Variants in MAP2K4 observed in about 807,000 individuals in gnomAD.
The protein encoded by MAP2K4 is mitogen-activated protein kinase kinase 4, also known as dual specificity mitogen-activated protein kinase kinase 4.
A neutral mutation model predicts 48.5 loss-of-function variants in MAP2K4; 4 were observed. That is an observed-to-expected ratio of 0.08 (90% CI 0.04 to 0.19). The LOEUF (loss-of-function observed/expected upper bound fraction) is 0.19, where lower values mean the gene tolerates loss of function less well. Among genes scored for constraint, MAP2K4 ranks in the 10% least tolerant of loss-of-function variants. MAP2K4 has a pLI of 1.00. For synonymous variants in MAP2K4, 166 were observed against 173.1 expected, an observed-to-expected ratio of 0.96 and a Z score of 0.32; for missense variants, 258 against 493.3, an observed-to-expected ratio of 0.52 and a Z score of 4.52.
At chr17:12,074,709 C>T (rs1970938749) in intron 2 of MAP2K4, among the ~76,000 whole-genome samples, 1 of 152,154 alleles carries the variant, frequency 6.6e-6, no homozygotes, top group African/African-American at 2.4e-5. Flanking sequence ...TGTACTCTGC[C>T]ATGTGAACTT....
chr17:12,118,903 G>A (rs1972585979), intron 7 of MAP2K4, among the ~76,000 whole-genome samples: 1 of 152,170 alleles, frequency 6.6e-6, no homozygotes, highest in Non-Finnish European at 1.5e-5. Context: ...GTAGTGACTT[G>A]GATGGATTCC....
chr17:12,122,210 G>A (rs1044454294), intron 7 of MAP2K4, among the ~76,000 whole-genome samples: 11 of 152,182 alleles, frequency 7.2e-5, no homozygotes, highest in African/African-American at 2.7e-4. Context: ...ACTTACTGAG[G>A]ATGAGAGGAA....
intron 1 of MAP2K4, among the ~76,000 whole-genome samples, chr17:12,032,635 T>G (rs1969475622): frequency 5.3e-5 from 8 of 152,188 alleles, no homozygotes. Context: ...AAGATCGTGG[T>G]GCAGAAAGTA....
intron 1 of MAP2K4, among the ~76,000 whole-genome samples, chr17:12,044,346 G>A (rs1969889994): frequency 6.6e-6 from 1 of 152,158 alleles, no homozygotes; most frequent in African/African-American, 2.4e-5. Context: ...ACTTAGGCTA[G>A]GAAGTTCTCT....
intron 2 of MAP2K4, among the ~76,000 whole-genome samples, chr17:12,071,278 G>A (rs1253566929): frequency 2.0e-5 from 3 of 152,102 alleles, no homozygotes; most frequent in Non-Finnish European, 4.4e-5. Flanking sequence ...TACTACAGAT[G>A]GTATTGAAGA....
chr17:12,099,792 T>G (rs967537617), intron 4 of MAP2K4, among the ~76,000 whole-genome samples: 6 of 152,222 alleles, frequency 3.9e-5, no homozygotes, highest in Admixed American at 3.3e-4. Context: ...TTAACAGTGC[T>G]GAAACCTAGT....
intron 3 of MAP2K4, among the ~76,000 whole-genome samples, chr17:12,085,550 C>T (rs1402194036): frequency 6.6e-6 from 1 of 152,030 alleles, no homozygotes; most frequent in Non-Finnish European, 1.5e-5. Flanking sequence ...CCTAACTTGT[C>T]TTGTTCTTTT....
At chr17:12,133,054 T>C (rs1439561706) in intron 9 of MAP2K4, among the ~76,000 whole-genome samples, 2 of 152,118 alleles carry the variant, frequency 1.3e-5, no homozygotes, top group African/African-American at 2.4e-5. Flanking sequence ...TAGGGAAGTC[T>C]GATTACTTCT....
chr17:12,047,014 G>A (rs979173834), intron 1 of MAP2K4, among the ~76,000 whole-genome samples: 2 of 152,040 alleles, frequency 1.3e-5, no homozygotes, highest in African/African-American at 4.8e-5. Flanking sequence ...GAGCTGTTAA[G>A]CCTTTTGTTG....
intron 2 of MAP2K4, among the ~76,000 whole-genome samples, chr17:12,062,494 C>A (rs1334351841): frequency 6.6e-6 from 1 of 152,134 alleles, no homozygotes; most frequent in Non-Finnish European, 1.5e-5. Context: ...GCCACCATCC[C>A]TGGCTCATTT....
At chr17:12,035,726 G>A (rs1043227196) in intron 1 of MAP2K4, among the ~76,000 whole-genome samples, 1 of 152,138 alleles carries the variant, frequency 6.6e-6, no homozygotes, top group African/African-American at 2.4e-5. Context: ...AGGAGGGTAT[G>A]GGGCAAAGAG....
intron 8 of MAP2K4, 22 bp from the exon 9 acceptor site, chr17:12,129,117 C>T: frequency 6.2e-7 from 1 of 1,611,384 alleles, no homozygotes; most frequent in Non-Finnish European, 8.5e-7. Flanking sequence ...GTATTTTGCT[C>T]TTTCCTCTTT....
chr17:12,045,926 A>T (rs952297605), intron 1 of MAP2K4, among the ~76,000 whole-genome samples: 1 of 152,240 alleles, frequency 6.6e-6, no homozygotes, highest in Non-Finnish European at 1.5e-5. Flanking sequence ...ACATGGATTT[A>T]AAAATGGTCT....
chr17:12,054,098 A>T (rs1177140138), intron 1 of MAP2K4, among the ~76,000 whole-genome samples: 6 of 152,164 alleles, frequency 3.9e-5, no homozygotes, highest in African/African-American at 1.4e-4. Context: ...GCATTTTACA[A>T]AGCATTTTCA....
chr17:12,070,618 T>G (rs1256323785), intron 2 of MAP2K4, among the ~76,000 whole-genome samples: 1 of 152,134 alleles, frequency 6.6e-6, no homozygotes, highest in Non-Finnish European at 1.5e-5. Context: ...TAGATGCAAT[T>G]TAGGTTGCTA....
At chr17:12,098,207 C>T (rs192012990) in intron 4 of MAP2K4, among the ~76,000 whole-genome samples, 4 of 152,134 alleles carry the variant, frequency 2.6e-5, no homozygotes, top group East Asian at 1.9e-4. Flanking sequence ...TGGCCGGGCA[C>T]GGTGGCTCAA....
intron 1 of MAP2K4, among the ~76,000 whole-genome samples, chr17:12,030,289 G>C (rs1170734393): frequency 6.6e-6 from 1 of 152,158 alleles, no homozygotes; most frequent in Non-Finnish European, 1.5e-5. Context: ...AGTTAATTTA[G>C]ACCTTGCTTG....
intron 9 of MAP2K4, among the ~76,000 whole-genome samples, chr17:12,132,758 A>G (rs942411661): frequency 4.2e-4 from 60 of 142,734 alleles, no homozygotes; most frequent in Non-Finnish European, 6.4e-4. Flanking sequence ...AGGAAAGTTT[A>G]TTAGAAAGAA....
chr17:12,021,109 G>T (rs1969021535), intron 1 of MAP2K4, 108 bp downstream of exon 1: 2 of 595,240 alleles, frequency 3.4e-6, no homozygotes, highest in Admixed American at 9.3e-5. Context: ...AGCCACGGCA[G>T]CCGCCGGCTT....
Sources: allele counts gnomAD v4.1 joint callset (sites outside exome capture counted in the v4.1 genomes callset), GRCh38; gene constraint gnomAD v4.1.1; transcripts MANE v1.5; gene names NCBI Gene and HGNC (gene_info 2026-07-23, HGNC 2026-07-21).